Variants in STIM2 observed in about 807,000 individuals in gnomAD.
The protein encoded by STIM2 is stromal interaction molecule 2.
Under a neutral mutation model 85.8 loss-of-function variants are expected in STIM2, and 31 were observed. That is an observed-to-expected ratio of 0.36 (90% CI 0.27 to 0.49). The LOEUF (loss-of-function observed/expected upper bound fraction) is 0.49, where lower values mean the gene tolerates loss of function less well. STIM2 is among the 20% of genes least tolerant of loss of function. The probability of loss-of-function intolerance (pLI) is 0.98; values close to 1 mark genes in which losing one functional copy is unlikely to be tolerated. For missense variants in STIM2, 841 were observed against 927.6 expected, an observed-to-expected ratio of 0.91 and a Z score of 1.21; for synonymous variants, 356 against 331.1, an observed-to-expected ratio of 1.08 and a Z score of -0.82.
chr4:26,894,510 G>A (rs1479787148), intron 1 of STIM2, among the ~76,000 whole-genome samples: 1 of 149,496 alleles, frequency 6.7e-6, no homozygotes, highest in Non-Finnish European at 1.5e-5. Context: ...TTTTCCTTCC[G>A]TGTGGATGTT....
intron 3 of STIM2, among the ~76,000 whole-genome samples, chr4:26,983,114 T>G (rs1189377618): frequency 6.6e-6 from 1 of 152,174 alleles, no homozygotes; most frequent in Non-Finnish European, 1.5e-5. Context: ...TCTGGGTAAT[T>G]GAAAGACACT....
chr4:26,903,917 GA>G (rs1347656109), intron 1 of STIM2, among the ~76,000 whole-genome samples: 1 of 151,832 alleles, frequency 6.6e-6, no homozygotes, highest in Admixed American at 6.6e-5. Context: ...CAGTGGCTAG[GA>G]TTTTTTTTTA....
intron 6 of STIM2, among the ~76,000 whole-genome samples, 178 bp downstream of exon 6, chr4:27,002,572 G>A (rs1476896428): frequency 6.6e-6 from 1 of 152,192 alleles, no homozygotes; most frequent in African/African-American, 2.4e-5. Context: ...TATTATAAAT[G>A]TGTATACTTG....
intron 3 of STIM2, among the ~76,000 whole-genome samples, chr4:26,985,191 A>G (rs1223560759): frequency 1.3e-5 from 2 of 152,328 alleles, no homozygotes; most frequent in African/African-American, 2.4e-5. Flanking sequence ...TATAAAATCA[A>G]CTGAGTTAGG....
At position 26,944,384 on chromosome 4, in the gene STIM2, T is replaced by G. The variant is rs77870448; in HGVS notation, c.283-13228T>G. ...TTCGAGTAACAATATACTTTTGATT[T>G]GACTTGTTTTCTTAGTTTCTGGGTC... On this transcript the variant is annotated intron_variant, in intron 2 of 11. Transcript: ENST00000467087. Among the ~76,000 whole-genome samples, 603 of 152,304 alleles carry G rather than the reference T, an allele frequency of 4.0e-3. 6 individuals carry two copies. Among genetic ancestry groups the G allele is most frequent in the African/African-American group, 0.014 (572 of 41,582 alleles).
At chr4:26,912,984 G>A (rs185271113) in intron 1 of STIM2, among the ~76,000 whole-genome samples, 2 of 152,108 alleles carry the variant, frequency 1.3e-5, no homozygotes, top group Non-Finnish European at 2.9e-5. Context: ...GCCATTGACC[G>A]CCAGTAGCAG....
chr4:26,976,872 C>G (rs1321045019), intron 3 of STIM2, among the ~76,000 whole-genome samples: 1 of 152,098 alleles, frequency 6.6e-6, no homozygotes, highest in Non-Finnish European at 1.5e-5. Context: ...GGGGATAGAG[C>G]ATTGAACAAA....
intron 10 of STIM2, among the ~76,000 whole-genome samples, chr4:27,017,021 G>C (rs1381732076): frequency 6.6e-6 from 1 of 152,160 alleles, no homozygotes; most frequent in Non-Finnish European, 1.5e-5. Flanking sequence ...AGCTTGAGAA[G>C]GTTGTTATTA....
At chr4:26,946,269 A>T (rs4302449) in intron 2 of STIM2, among the ~76,000 whole-genome samples, 25,328 of 152,232 alleles carry the variant, frequency 0.17, 2,612 homozygotes, top group Admixed American at 0.24. Flanking sequence ...TTCACCTTAT[A>T]TCAAAAATAA....
intron 3 of STIM2, among the ~76,000 whole-genome samples, chr4:26,981,990 G>A (rs1317338620): frequency 6.6e-6 from 1 of 150,592 alleles, no homozygotes; most frequent in African/African-American, 2.4e-5. Context: ...TTGGTGGAGA[G>A]ATACTTGAAG....
intron 1 of STIM2, among the ~76,000 whole-genome samples, chr4:26,862,272 A>G (rs887024018): frequency 2.6e-5 from 4 of 150,970 alleles, no homozygotes; most frequent in Non-Finnish European, 4.4e-5. Flanking sequence ...TTATATAAGG[A>G]CCCTGAAATG....
At chr4:26,910,483 C>T (rs1255448810) in intron 1 of STIM2, among the ~76,000 whole-genome samples, 1 of 151,994 alleles carries the variant, frequency 6.6e-6, no homozygotes, top group Non-Finnish European at 1.5e-5. Flanking sequence ...GAGATCATGC[C>T]ACTGCACTCC....
chr4:26,997,980 A>G (rs1385837803), intron 4 of STIM2, among the ~76,000 whole-genome samples: 1 of 145,806 alleles, frequency 6.9e-6, no homozygotes, highest in Non-Finnish European at 1.6e-5. Flanking sequence ...GGAATCGTAC[A>G]TATTTGGGTT....
Position 27,023,542 on chromosome 4 carries a change from A to G in STIM2, c.*546A>G, listed in dbSNP as rs958753683. ...TGACTATGGATAGGGGACTGTTTTC[A>G]CTTTTAGATCAAAATGGGTTTTTAA... On this transcript the variant is annotated 3_prime_UTR_variant, in exon 12 of 12. Coordinates refer to ENST00000467087, the MANE Select transcript of STIM2 (RefSeq NM_020860.4). 1.3e-5 allele frequency: 2 copies of G among 152,544 alleles called. No individual in the cohort carries two copies. Among genetic ancestry groups the G allele is most frequent in the African/African-American group, 4.8e-5 (2 of 41,446 alleles). The allele number at this position is 152,544 out of a possible 1,614,324, so 9.4% of individuals were successfully genotyped here. A position where few individuals can be genotyped will look rare whatever the true frequency, so the allele number is the denominator to read the frequency against.
chr4:26,926,238 A>G (rs1483355906), intron 2 of STIM2, among the ~76,000 whole-genome samples: 9 of 22,750 alleles, frequency 4.0e-4, no homozygotes, highest in African/African-American at 1.3e-3. Flanking sequence ...CTAAGCCAAA[A>G]GAACAAAGCT....
intron 3 of STIM2, among the ~76,000 whole-genome samples, chr4:26,981,374 A>T (rs189599050): frequency 1.3e-5 from 2 of 152,380 alleles, no homozygotes; most frequent in Admixed American, 1.3e-4. Context: ...GGAGAAAATC[A>T]CAAGCTACAA....
At chr4:26,882,996 C>G (rs1002348558) in intron 1 of STIM2, among the ~76,000 whole-genome samples, 3 of 146,532 alleles carry the variant, frequency 2.0e-5, no homozygotes, top group African/African-American at 7.5e-5. Context: ...CGCCACCATA[C>G]CTGGCTAATT....
intron 2 of STIM2, among the ~76,000 whole-genome samples, chr4:26,947,184 C>T (rs1195452616): frequency 2.0e-5 from 3 of 152,044 alleles, no homozygotes; most frequent in African/African-American, 4.8e-5. Context: ...AACATCAGAA[C>T]TTAGGAGGTT....
chr4:27,017,581 G>C, intron 10 of STIM2, 130 bp from the exon 11 acceptor site: 1 of 1,158,030 alleles, frequency 8.6e-7, no homozygotes, highest in South Asian at 1.4e-5. Context: ...TAACTGTACA[G>C]TAACTTCAGT....
Sources: allele counts gnomAD v4.1 joint callset (sites outside exome capture counted in the v4.1 genomes callset), GRCh38; gene constraint gnomAD v4.1.1; transcripts MANE v1.5; gene names NCBI Gene and HGNC (gene_info 2026-07-23, HGNC 2026-07-21).